The following ZNF83 variants were observed in gnomAD, a reference collection of about 807,000 sequenced individuals.
The protein encoded by ZNF83 is zinc finger protein 816B.
For missense variants in ZNF83, 552 were observed against 629.9 expected (o/e 0.88, Z 1.32); for synonymous variants, 209 against 213.0 (o/e 0.98, Z 0.17).
At chr19:52,615,581 A>G (rs886630401) in intron 2 of ZNF83, among the ~76,000 whole-genome samples, 2 of 152,178 alleles carry the variant, frequency 1.3e-5, no homozygotes, top group African/African-American at 4.8e-5. Flanking sequence ...TCTACTAAAA[A>G]TACAAAAATT....
chr19:52,623,469 TC>T (rs767116669), intron 2 of ZNF83, among the ~76,000 whole-genome samples: 2 of 152,160 alleles, frequency 1.3e-5, no homozygotes, highest in Non-Finnish European at 2.9e-5. Context: ...TTTTATGCAC[TC>T]CTTTTTAGTT....
intron 1 of ZNF83, among the ~76,000 whole-genome samples, chr19:52,685,381 CT>C (rs1290774307): frequency 1.3e-5 from 2 of 151,912 alleles, no homozygotes; most frequent in African/African-American, 2.4e-5. Context: ...TTTATCACCC[CT>C]ATCCTTGAAA....
chr19:52,672,672 T>C (rs1024602631), intron 1 of ZNF83, among the ~76,000 whole-genome samples: 3 of 152,212 alleles, frequency 2.0e-5, no homozygotes, highest in African/African-American at 7.2e-5. Flanking sequence ...CGGTCTCGGC[T>C]CACTGCAACA....
At chr19:52,614,004 AT>A (rs2060212566) in exon 3 of ZNF83, 3 of 1,613,398 alleles carry the variant, frequency 1.9e-6, no homozygotes, top group Non-Finnish European at 2.5e-6. Context: ...GTGAAATTTG[AT>A]TAAAGACCTT....
At chr19:52,613,871 G>A in exon 3 of ZNF83, 1 of 1,614,134 alleles carries the variant, frequency 6.2e-7, no homozygotes, top group Non-Finnish European at 8.5e-7. Flanking sequence ...CATTCGTAAG[G>A]TTTTTCTCCA....
At chr19:52,621,617 T>G (rs917449452) in intron 2 of ZNF83, among the ~76,000 whole-genome samples, 2 of 151,966 alleles carry the variant, frequency 1.3e-5, no homozygotes, top group Admixed American at 6.5e-5. Flanking sequence ...CCCTCTTTTC[T>G]CTAAACTTAC....
In ZNF83 at chr19:52,614,701, C is replaced by T. The variant is rs566988894; in HGVS notation, c.-137G>A. 2.0e-3 allele frequency: 2,626 copies of T among 1,345,310 alleles called. 5 individuals carry two copies. The highest frequency in any genetic ancestry group is 2.2e-3 in the Non-Finnish European group (2,299 of 1,042,338). 83.3% of individuals were successfully genotyped at this position (1,345,310 alleles called of 1,614,324 possible). Reference sequence around the variant, plus strand: ...GAAGCAAAAATCTTGTATGTCGTGGCTTTCATGTCTTTCCAACATTACTGT... The same window carrying T: ...GAAGCAAAAATCTTGTATGTCGTGGTTTTCATGTCTTTCCAACATTACTGT... On this transcript the variant is annotated 5_prime_UTR_variant, in exon 3 of 3. Transcript: ENST00000301096.
At chr19:52,657,035 G>A (rs2061514881) in intron 2 of ZNF83, among the ~76,000 whole-genome samples, 2 of 152,138 alleles carry the variant, frequency 1.3e-5, no homozygotes, top group African/African-American at 4.8e-5. Context: ...AGGATTGCTT[G>A]AGCCTGGAGA....
exon 3 of ZNF83, chr19:52,613,572 GGA>G: frequency 6.2e-7 from 1 of 1,613,748 alleles, no homozygotes; most frequent in African/African-American, 1.3e-5. Context: ...GATTTACTAG[GGA>G]TGACTTGTGA....
chr19:52,675,301 TA>T (rs1166949880), intron 1 of ZNF83, among the ~76,000 whole-genome samples: 10 of 152,244 alleles, frequency 6.6e-5, no homozygotes, highest in Admixed American at 2.0e-4. Flanking sequence ...GACTTGATCC[TA>T]GGCCTGAAGG....
At chr19:52,665,361 C>T (rs59130667) in intron 1 of ZNF83, among the ~76,000 whole-genome samples, 9,898 of 151,734 alleles carry the variant, frequency 0.065, 1,065 homozygotes, top group African/African-American at 0.23. Context: ...CCAGCCTGGG[C>T]GACAAAGTAA....
At chr19:52,630,876 A>G (rs898042769) in intron 2 of ZNF83, among the ~76,000 whole-genome samples, 3 of 152,064 alleles carry the variant, frequency 2.0e-5, no homozygotes, top group Non-Finnish European at 4.4e-5. Flanking sequence ...TACCTGTCCT[A>G]AAACCAGATA....
intron 1 of ZNF83, among the ~76,000 whole-genome samples, chr19:52,684,051 T>C (rs1328922878): frequency 6.6e-6 from 1 of 152,058 alleles, no homozygotes; most frequent in Non-Finnish European, 1.5e-5. Flanking sequence ...CATGCCAACA[T>C]GGTGAAACCC....
rs144488345 is a variant in ZNF83 at position 52,621,881 on chromosome 19, C to T, written c.-233-7084G>A. ...AAGATGGGTAAATGGTCTGAGGTGC[C>T]TTATGTCCAGGCATTTTTTCACTTC... On this transcript the variant is annotated intron_variant, in intron 2 of 2. Transcript: ENST00000301096. Among the ~76,000 whole-genome samples, 29 of 152,282 alleles carry T rather than the reference C, an allele frequency of 1.9e-4. No homozygotes were observed. The East Asian group carries it at 5.2e-3, about 27-fold the overall frequency.
At chr19:52,642,074 T>C (rs1342741402), upstream of ZNF83, among the ~76,000 whole-genome samples, 2 of 152,110 alleles carry the variant, frequency 1.3e-5, no homozygotes, top group East Asian at 1.9e-4. Context: ...TCATTGACTC[T>C]GAATTTTTAC....
intron 1 of ZNF83, among the ~76,000 whole-genome samples, chr19:52,675,366 A>T (rs2061785087): frequency 6.6e-6 from 1 of 152,204 alleles, no homozygotes; most frequent in African/African-American, 2.4e-5. Flanking sequence ...ACAGGAAATG[A>T]CCAGTCACAG....
intron 1 of ZNF83, among the ~76,000 whole-genome samples, chr19:52,667,078 A>G (rs926051445): frequency 6.6e-5 from 10 of 152,212 alleles, no homozygotes; most frequent in African/African-American, 2.4e-4. Context: ...GAAATCCCAA[A>G]CTTACAACGT....
At chr19:52,685,557 G>T (rs1458318439) in intron 1 of ZNF83, among the ~76,000 whole-genome samples, 1 of 152,136 alleles carries the variant, frequency 6.6e-6, no homozygotes, top group Non-Finnish European at 1.5e-5. Context: ...AACAGGGAAA[G>T]AAAGTCAGCT....
At chr19:52,619,351 G>A (rs2147085779) in intron 2 of ZNF83, among the ~76,000 whole-genome samples, 1 of 152,336 alleles carries the variant, frequency 6.6e-6, no homozygotes, top group East Asian at 1.9e-4. Flanking sequence ...CTTTTGGCCA[G>A]GTGCTGTGGC....
Sources: gnomAD v4.1 joint callset for allele counts (sites outside exome capture counted in the v4.1 genomes callset) on GRCh38, gnomAD v4.1.1 for gene constraint, MANE v1.5 for transcripts, NCBI Gene and HGNC (gene_info 2026-07-23, HGNC 2026-07-21) for gene names.